The following WDPCP variants were observed in gnomAD, a reference collection of about 807,000 sequenced individuals.
WDPCP encodes WD repeat containing planar cell polarity effector.
Under a neutral mutation model 93.1 loss-of-function variants are expected in WDPCP, and 71 were observed. That is an observed-to-expected ratio of 0.76 (90% confidence interval 0.63 to 0.93). The LOEUF (loss-of-function observed/expected upper bound fraction) is 0.93, where lower values mean the gene tolerates loss of function less well. Among genes scored for constraint, WDPCP ranks in the 40% least tolerant of loss-of-function variants. The pLI, the probability that WDPCP is intolerant of heterozygous loss-of-function variation, is 0.00. For missense variants in WDPCP, 844 were observed against 887.4 expected, an observed-to-expected ratio of 0.95 and a Z score of 0.62; for synonymous variants, 315 against 315.0, an observed-to-expected ratio of 1.00 and a Z score of 0.00.
At chr2:63,607,318 A>C (rs1214023522) in intron 3 of WDPCP, 1 of 164,806 alleles carries the variant, frequency 6.1e-6, no homozygotes, top group African/African-American at 2.4e-5. Flanking sequence ...TGGGTGGATC[A>C]CCTGAGGTCC....
intron 1 of WDPCP, among the ~76,000 whole-genome samples, chr2:63,496,378 G>A (rs1051909620): frequency 2.0e-5 from 3 of 152,110 alleles, no homozygotes; most frequent in Non-Finnish European, 4.4e-5. Context: ...CTATTTCTAC[G>A]AGGCAGAAAA....
At chr2:63,460,670 T>C (rs1698945612) in intron 6 of WDPCP, among the ~76,000 whole-genome samples, 1 of 152,132 alleles carries the variant, frequency 6.6e-6, no homozygotes, top group South Asian at 2.1e-4. Context: ...CTCTTTTTTT[T>C]TTGAAACGGA....
intron 3 of WDPCP, among the ~76,000 whole-genome samples, chr2:63,650,070 T>C (rs1381219245): frequency 6.6e-6 from 1 of 152,226 alleles, no homozygotes; most frequent in Non-Finnish European, 1.5e-5. Context: ...GCAGAGGCTG[T>C]GCCTTCTTCT....
At chr2:63,348,859 T>C (rs1392003330) in intron 12 of WDPCP, among the ~76,000 whole-genome samples, 1 of 152,178 alleles carries the variant, frequency 6.6e-6, no homozygotes, top group African/African-American at 2.4e-5. Flanking sequence ...TGGAGAAAAC[T>C]GTTAACAAGT....
In WDPCP at chr2:63,158,622, A is replaced by G. The variant is rs542592517; in HGVS notation, c.2079-5048T>C. ...GTTTTCAGGTATTCTTTGTATATAT[A>G]TATTTTTCAGCATTGCATTCTTTAT... On this transcript the variant is annotated intron_variant, in intron 15 of 17. Transcript: ENST00000272321. Among the ~76,000 whole-genome samples the G allele has an allele frequency of 1.1e-4, 17 of 152,248 alleles. No individual in the cohort carries two copies. In the South Asian group the frequency reaches 3.3e-3, roughly 30 times the overall value.
chr2:63,397,214 G>C (rs141694186), intron 10 of WDPCP, among the ~76,000 whole-genome samples: 1 of 152,120 alleles, frequency 6.6e-6, no homozygotes, highest in South Asian at 2.1e-4. Context: ...TTAGAAGGCC[G>C]AATCGATAGG....
chr2:63,286,691 T>C (rs1028869599), intron 13 of WDPCP, among the ~76,000 whole-genome samples: 4 of 152,272 alleles, frequency 2.6e-5, no homozygotes, highest in Non-Finnish European at 5.9e-5. Context: ...AATCCAATCT[T>C]ATGGTCACTG....
At chr2:63,407,431 A>G (rs1423721404) in intron 9 of WDPCP, among the ~76,000 whole-genome samples, 1 of 152,156 alleles carries the variant, frequency 6.6e-6, no homozygotes, top group East Asian at 1.9e-4. Context: ...GTTCTGAACA[A>G]AGGAGGGACA....
chr2:63,575,107 T>C (rs1707819849), intron 1 of WDPCP, among the ~76,000 whole-genome samples: 1 of 151,878 alleles, frequency 6.6e-6, no homozygotes, highest in African/African-American at 2.4e-5. Flanking sequence ...AATTCTGTAA[T>C]GCAACCTTGA....
chr2:63,247,612 T>C (rs1173618077), intron 14 of WDPCP, among the ~76,000 whole-genome samples: 1 of 151,506 alleles, frequency 6.6e-6, no homozygotes, highest in Non-Finnish European at 1.5e-5. Flanking sequence ...AGGTGTTTTG[T>C]GTTTAGACCT....
intron 2 of WDPCP, among the ~76,000 whole-genome samples, chr2:63,747,993 C>G (rs866121521): frequency 1.3e-5 from 2 of 151,248 alleles, no homozygotes; most frequent in African/African-American, 4.9e-5. Context: ...AATATATATA[C>G]AGAGAGAGAG....
intron 6 of WDPCP, among the ~76,000 whole-genome samples, chr2:63,453,019 G>A (rs1281255838): frequency 6.6e-6 from 1 of 152,164 alleles, no homozygotes; most frequent in Non-Finnish European, 1.5e-5. Context: ...ATACCATTCA[G>A]GACATAGGCA....
At chr2:63,348,077 G>A (rs1689322304) in intron 12 of WDPCP, among the ~76,000 whole-genome samples, 1 of 152,080 alleles carries the variant, frequency 6.6e-6, no homozygotes, top group African/African-American at 2.4e-5. Flanking sequence ...CAAACACAAT[G>A]ATAATAGCTA....
chr2:63,388,611 G>A (rs1692944725), intron 10 of WDPCP, among the ~76,000 whole-genome samples: 2 of 152,130 alleles, frequency 1.3e-5, no homozygotes, highest in South Asian at 2.1e-4. Flanking sequence ...CAAGCTAAAG[G>A]AGCATGTTCA....
intron 14 of WDPCP, among the ~76,000 whole-genome samples, chr2:63,211,931 A>G (rs1279579267): frequency 6.6e-6 from 1 of 152,210 alleles, no homozygotes; most frequent in Non-Finnish European, 1.5e-5. Flanking sequence ...AAAGAGTAAA[A>G]AGAAATGAAC....
At chr2:63,175,081 T>G (rs1437017948) in intron 14 of WDPCP, among the ~76,000 whole-genome samples, 1 of 152,198 alleles carries the variant, frequency 6.6e-6, no homozygotes, top group Non-Finnish European at 1.5e-5. Flanking sequence ...TGCTTATGTG[T>G]AGTGTTTTTA....
At chr2:63,563,199 T>C (rs905599699) in intron 1 of WDPCP, among the ~76,000 whole-genome samples, 1 of 152,058 alleles carries the variant, frequency 6.6e-6, no homozygotes. Flanking sequence ...ATCAAAAAAT[T>C]GTAATGTTAA....
At position 63,245,105 on chromosome 2, in the gene WDPCP, GAAGA is replaced by G. The variant is rs1356269073; in HGVS notation, c.1915+14198_1915+14201del. ...GCACAGTTTATTAAATGTTCCCAAG[GAAGA>G]AAGACTTTCCCCCGCCCCCTCAGCT... is the stretch of plus-strand genomic sequence containing the variant. On this transcript the variant is annotated intron_variant, in intron 14 of 17. Transcript: ENST00000272321. 3.9e-5 allele frequency among the ~76,000 whole-genome samples: 6 copies of G among 152,160 alleles called. No individual in the cohort carries two copies. The East Asian group carries it at 1.2e-3, about 29-fold the overall frequency.
intron 1 of WDPCP, among the ~76,000 whole-genome samples, chr2:63,493,688 T>G (rs984101472): frequency 1.3e-5 from 2 of 151,994 alleles, no homozygotes; most frequent in African/African-American, 4.8e-5. Flanking sequence ...GGGAGAAGGC[T>G]AGTCTGCATT....
Sources: gnomAD v4.1 joint callset for allele counts (sites outside exome capture counted in the v4.1 genomes callset) on GRCh38, gnomAD v4.1.1 for gene constraint, MANE v1.5 for transcripts, NCBI Gene and HGNC (gene_info 2026-07-23, HGNC 2026-07-21) for gene names.